NBAS: variants seen among roughly 807,000 people sequenced by gnomAD.
The protein encoded by NBAS is NAG/BC035112 fusion.
NBAS carries 219 observed loss-of-function variants against 302.5 expected under a neutral mutation model. The ratio of observed to expected loss-of-function variants is 0.72; its 90% CI spans 0.65 to 0.81. NBAS has a LOEUF of 0.81. Among genes scored for constraint, NBAS ranks in the 30% least tolerant of loss-of-function variants. The pLI, the probability that NBAS is intolerant of heterozygous loss-of-function variation, is 0.00. For missense variants in NBAS, 2,932 were observed against 2,841.6 expected, an observed-to-expected ratio of 1.03 and a Z score of -0.72; for synonymous variants, 1,118 against 1,021.6, an observed-to-expected ratio of 1.09 and a Z score of -1.80.
chr2:15,053,768 T>A, the NBAS span, among the ~76,000 whole-genome samples: 3 of 152,008 alleles, frequency 2.0e-5, no homozygotes, highest in African/African-American at 7.2e-5. Context: ...AGATGTACCA[T>A]GTGACTCTGA....
the NBAS span, among the ~76,000 whole-genome samples, chr2:15,035,007 A>G: frequency 3.0e-4 from 46 of 152,242 alleles, no homozygotes; most frequent in Non-Finnish European, 5.4e-4. Context: ...CCATATCAGT[A>G]TGTATAGACT....
chr2:15,501,984 GAT>G (rs1371473622), intron 11 of NBAS, among the ~76,000 whole-genome samples: 4 of 152,126 alleles, frequency 2.6e-5, no homozygotes, highest in African/African-American at 9.7e-5. Context: ...TAGTAAAATA[GAT>G]AATTCTTTCT....
the NBAS span, among the ~76,000 whole-genome samples, chr2:15,108,804 G>C: frequency 1.8e-4 from 27 of 152,096 alleles, no homozygotes; most frequent in Admixed American, 8.5e-4. Flanking sequence ...TTCAATGTCT[G>C]AGAAAGGGTT....
chr2:15,446,670 T>G (rs184922995), intron 21 of NBAS, among the ~76,000 whole-genome samples: 74 of 152,092 alleles, frequency 4.9e-4, no homozygotes, highest in East Asian at 2.1e-3. Context: ...AAATTACTGA[T>G]AAGAGCAAAA....
At chr2:14,967,593 T>TA in the NBAS span, among the ~76,000 whole-genome samples, 1 of 152,294 alleles carries the variant, frequency 6.6e-6, no homozygotes, top group Non-Finnish European at 1.5e-5. Flanking sequence ...AGGTAAAAGT[T>TA]AAAACTAAAA....
At chr2:15,482,359 C>A (rs2148600570) in intron 12 of NBAS, among the ~76,000 whole-genome samples, 1 of 152,248 alleles carries the variant, frequency 6.6e-6, no homozygotes, top group Non-Finnish European at 1.5e-5. Flanking sequence ...TCAAGCAATT[C>A]CACCCACCTA....
chr2:15,179,011 C>T lies in NBAS; in HGVS notation c.6817G>A (p.Glu2273Lys). ...RDEHLHEMALEQITAVTTVND... is the reference protein window; with the variant it reads ...RDEHLHEMALKQITAVTTVND... ...ACCGTAGTGACTGCCGTGATTTGCTCCAGTGCCATCTCGTGCAGATGCTCA... is the reference window on the plus strand; with the variant it reads ...ACCGTAGTGACTGCCGTGATTTGCTTCAGTGCCATCTCGTGCAGATGCTCA... Residue 2273 changes from glutamate to lysine, a missense_variant, in exon 51 of 52, where the codon GAG becomes AAG. Glu to Lys is a moderately conservative substitution (Grantham distance 56). Coordinates refer to ENST00000281513, the MANE Select transcript of NBAS (RefSeq NM_015909.4). The T allele has an allele frequency of 1.2e-6, 2 of 1,613,902 alleles. No individual in the cohort carries two copies. The highest frequency in any genetic ancestry group is 2.2e-5 in the South Asian group (2 of 91,054).
intron 44 of NBAS, among the ~76,000 whole-genome samples, chr2:15,257,930 T>C (rs1287309774): frequency 5.3e-5 from 8 of 152,164 alleles, no homozygotes; most frequent in East Asian, 3.9e-4. Flanking sequence ...AATCTAACAA[T>C]AGTCATCCAA....
At chr2:14,779,847 T>C in the NBAS span, among the ~76,000 whole-genome samples, 1 of 152,206 alleles carries the variant, frequency 6.6e-6, no homozygotes, top group Admixed American at 6.5e-5. Flanking sequence ...CAGTAGGATA[T>C]TTTAAAAGAT....
chr2:14,895,326 A>T, the NBAS span, among the ~76,000 whole-genome samples: 1 of 152,222 alleles, frequency 6.6e-6, no homozygotes, highest in African/African-American at 2.4e-5. Context: ...TAAAAATCCT[A>T]GAAGAAAACC....
intron 51 of NBAS, among the ~76,000 whole-genome samples, chr2:15,172,968 G>C (rs550867150): frequency 1.2e-4 from 18 of 152,254 alleles, no homozygotes; most frequent in African/African-American, 4.3e-4. Flanking sequence ...TGTAAGGGTT[G>C]GGAATAATAC....
At chr2:14,821,631 G>T in the NBAS span, among the ~76,000 whole-genome samples, 456 of 152,236 alleles carry the variant, frequency 3.0e-3, 3 homozygotes, top group African/African-American at 0.011. Context: ...TCATAAAACA[G>T]CCAAGAAGAG....
At chr2:14,914,746 G>A in the NBAS span, among the ~76,000 whole-genome samples, 1 of 152,202 alleles carries the variant, frequency 6.6e-6, no homozygotes, top group Admixed American at 6.5e-5. Context: ...TGGTTTGGGG[G>A]AAAGCCTGTG....
the NBAS span, among the ~76,000 whole-genome samples, chr2:15,146,015 A>G: frequency 6.6e-6 from 1 of 152,118 alleles, no homozygotes; most frequent in African/African-American, 2.4e-5. Flanking sequence ...CGTGAACTTG[A>G]TACTGTTCTA....
At chr2:15,009,903 T>A in the NBAS span, among the ~76,000 whole-genome samples, 1 of 151,990 alleles carries the variant, frequency 6.6e-6, no homozygotes, top group Admixed American at 6.6e-5. Flanking sequence ...AGAGCTTACA[T>A]AACAAACTAC....
chr2:14,855,724 G>A, the NBAS span, among the ~76,000 whole-genome samples: 1 of 152,154 alleles, frequency 6.6e-6, no homozygotes, highest in Non-Finnish European at 1.5e-5. Flanking sequence ...ACAGCCTTGT[G>A]TTGTTTGACT....
chr2:15,372,540 T>C (rs1007976856), intron 31 of NBAS, among the ~76,000 whole-genome samples: 6 of 152,272 alleles, frequency 3.9e-5, no homozygotes, highest in African/African-American at 1.4e-4. Context: ...ATATTACTGA[T>C]GAATACAAAA....
At chr2:15,489,121 T>A (rs1479761096) in intron 11 of NBAS, 99 bp from the exon 12 acceptor site, 41 of 1,340,546 alleles carry the variant, frequency 3.1e-5, no homozygotes, top group Non-Finnish European at 4.0e-5. Context: ...TTATAAATGA[T>A]CTTTAGTAAT....
Position 15,357,378 on chromosome 2 carries a change from G to C in NBAS, c.3818-962C>G, listed in dbSNP as rs779683312. Among the ~76,000 whole-genome samples, 6 of 152,286 alleles carry C rather than the reference G, an allele frequency of 3.9e-5. No individual in the cohort carries two copies. In the East Asian group the frequency reaches 5.8e-4, roughly 15 times the overall value. ...CCTGAACTACTGTGAGTTTGGTGCT[G>C]CCTGATTCATGAATTGCTGTCTGCT... On this transcript the variant is annotated intron_variant, in intron 32 of 51. Coordinates refer to ENST00000281513, the MANE Select transcript of NBAS (RefSeq NM_015909.4).
Sources: gnomAD v4.1 joint callset for allele counts (sites outside exome capture counted in the v4.1 genomes callset) on GRCh38, gnomAD v4.1.1 for gene constraint, MANE v1.5 for transcripts, NCBI Gene and HGNC (gene_info 2026-07-23, HGNC 2026-07-21) for gene names.